The following PDE8B variants were observed in gnomAD, a reference collection of about 807,000 sequenced individuals.
The protein encoded by PDE8B is phosphodiesterase 8B.
A neutral mutation model predicts 101.3 loss-of-function variants in PDE8B; 26 were observed. The observed-to-expected ratio is 0.26, with a 90% confidence interval of 0.19 to 0.36. PDE8B has a LOEUF of 0.36. Among genes scored for constraint, PDE8B ranks in the 10% least tolerant of loss-of-function variants. The pLI is 1.00. For missense variants in PDE8B, 810 were observed against 1,163.1 expected (o/e 0.70, Z 4.42); for synonymous variants, 424 against 429.3 (o/e 0.99, Z 0.15).
chr5:77,261,968 C>T (rs1312197165), intron 1 of PDE8B, among the ~76,000 whole-genome samples: 2 of 152,124 alleles, frequency 1.3e-5, no homozygotes, highest in Non-Finnish European at 2.9e-5. Flanking sequence ...TCCATTTTTC[C>T]TCTCTGCAGC....
At chr5:77,105,279 A>G in the PDE8B span, 1 of 152,214 alleles carries the variant, frequency 6.6e-6, no homozygotes, top group African/African-American at 2.4e-5. Context: ...TAATGCGAAA[A>G]CAATACACAT....
chr5:77,203,427 T>C, the PDE8B span, among the ~76,000 whole-genome samples: 1 of 152,254 alleles, frequency 6.6e-6, no homozygotes, highest in African/African-American at 2.4e-5. Flanking sequence ...GGGCAAAGAC[T>C]AAGTCTTTTA....
the PDE8B span, among the ~76,000 whole-genome samples, chr5:77,176,004 T>C: frequency 2.0e-5 from 3 of 152,224 alleles, no homozygotes; most frequent in Non-Finnish European, 4.4e-5. Context: ...GAAACCAGAA[T>C]GGGGTTATCA....
the PDE8B span, among the ~76,000 whole-genome samples, chr5:77,128,904 A>T: frequency 6.6e-6 from 1 of 152,168 alleles, no homozygotes; most frequent in Non-Finnish European, 1.5e-5. Flanking sequence ...TCACAAGTCC[A>T]TTTCTCAGTG....
chr5:77,346,247 C>G (rs1780135522), intron 7 of PDE8B, among the ~76,000 whole-genome samples: 1 of 152,208 alleles, frequency 6.6e-6, no homozygotes, highest in African/African-American at 2.4e-5. Context: ...AGTGGCCCAC[C>G]TGCCCACAGG....
chr5:77,137,851 A>G, the PDE8B span, among the ~76,000 whole-genome samples: 2 of 152,124 alleles, frequency 1.3e-5, no homozygotes, highest in Non-Finnish European at 2.9e-5. Context: ...ATTAAAGCAA[A>G]GGGGAGACTT....
chr5:77,292,604 C>T (rs1767613645), intron 1 of PDE8B, among the ~76,000 whole-genome samples: 1 of 152,128 alleles, frequency 6.6e-6, no homozygotes, highest in Non-Finnish European at 1.5e-5. Context: ...TTTTGATTTG[C>T]ATTTTTGGAT....
At chr5:77,364,133 G>A (rs142372711) in intron 10 of PDE8B, among the ~76,000 whole-genome samples, 83 of 152,306 alleles carry the variant, frequency 5.4e-4, no homozygotes, top group Admixed American at 4.2e-3. Flanking sequence ...CCAGACCTGC[G>A]TAGCTCCTTG....
rs1227830081 is a variant in PDE8B, at chr5:77,427,560, A to C, written c.*1006A>C. The C allele has an allele frequency of 6.6e-6, 1 of 152,218 alleles. No homozygotes were observed. Among genetic ancestry groups the C allele is most frequent in the African/African-American group, 2.4e-5 (1 of 41,458 alleles). The allele number at this position is 152,218 out of a possible 1,614,324, so 9.4% of individuals were successfully genotyped here. A position where few individuals can be genotyped will look rare whatever the true frequency, so the allele number is the denominator to read the frequency against. ...TTTCAAGGTTCAGATATTTTTAACC[A>C]GTCTATATTTGAAATCATGCCATTA... On this transcript the variant is annotated 3_prime_UTR_variant, in exon 22 of 22. Coordinates refer to ENST00000264917, the MANE Select transcript of PDE8B (RefSeq NM_003719.5).
chr5:77,359,618 A>G (rs554464695), intron 10 of PDE8B, among the ~76,000 whole-genome samples: 306 of 152,174 alleles, frequency 2.0e-3, no homozygotes, highest in Non-Finnish European at 3.1e-3. Context: ...GGAGAATGGG[A>G]AAATCAGAGG....
the PDE8B span, among the ~76,000 whole-genome samples, chr5:77,160,338 G>A: frequency 1.9e-4 from 29 of 152,124 alleles, no homozygotes; most frequent in Non-Finnish European, 3.8e-4. Flanking sequence ...AAATCTGCAC[G>A]TACTCGAGTC....
At chr5:77,215,620 C>A (rs537982542) in intron 1 of PDE8B, among the ~76,000 whole-genome samples, 1 of 152,196 alleles carries the variant, frequency 6.6e-6, no homozygotes, top group Non-Finnish European at 1.5e-5. Flanking sequence ...GATATAGTTT[C>A]TACTGAAATC....
the PDE8B span, chr5:77,115,464 G>A: frequency 6.6e-6 from 1 of 152,198 alleles, no homozygotes; most frequent in African/African-American, 2.4e-5. Flanking sequence ...GGGGACATAT[G>A]GTCCAGGCCT....
chr5:77,356,371 T>C (rs1190393958), intron 10 of PDE8B, among the ~76,000 whole-genome samples: 1 of 152,166 alleles, frequency 6.6e-6, no homozygotes, highest in Non-Finnish European at 1.5e-5. Flanking sequence ...AGAGTCATAT[T>C]GCATAGGGAA....
At chr5:77,148,101 C>T in the PDE8B span, 2 of 152,186 alleles carry the variant, frequency 1.3e-5, no homozygotes, top group East Asian at 1.9e-4. Flanking sequence ...CAAGACAAGA[C>T]ATTATATACA....
chr5:77,200,069 A>C, the PDE8B span, among the ~76,000 whole-genome samples: 1 of 152,084 alleles, frequency 6.6e-6, no homozygotes, highest in Non-Finnish European at 1.5e-5. Context: ...CTGTACTGGA[A>C]ATTTATATCA....
the PDE8B span, chr5:77,144,488 A>C: frequency 6.6e-6 from 1 of 152,144 alleles, no homozygotes; most frequent in African/African-American, 2.4e-5. Context: ...GAAAAGAAGG[A>C]AGCATTTTAT....
intron 4 of PDE8B, among the ~76,000 whole-genome samples, chr5:77,330,218 A>G (rs1024916083): frequency 6.6e-6 from 1 of 152,210 alleles, no homozygotes; most frequent in Non-Finnish European, 1.5e-5. Context: ...TTGGACATCA[A>G]TACCAGAAAT....
the PDE8B span, among the ~76,000 whole-genome samples, chr5:77,109,927 GTTTTTTTTTTTT>G: frequency 0.055 from 3,700 of 67,314 alleles, 91 homozygotes; most frequent in Middle Eastern, 0.13. Context: ...TTGTATTTCA[GTTTTTTTTTTTT>G]TTTTTTTTTT....
Sources: gnomAD v4.1 joint callset for allele counts (sites outside exome capture counted in the v4.1 genomes callset) on GRCh38, gnomAD v4.1.1 for gene constraint, MANE v1.5 for transcripts, NCBI Gene and HGNC (gene_info 2026-07-23, HGNC 2026-07-21) for gene names.